Variants in SCHIP1 observed in about 807,000 individuals in gnomAD.
The protein encoded by SCHIP1 is schwannomin interacting protein 1.
Under a neutral mutation model 29.7 loss-of-function variants are expected in SCHIP1, and 8 were observed. That is an observed-to-expected ratio of 0.27 (90% confidence interval 0.16 to 0.49). The LOEUF (loss-of-function observed/expected upper bound fraction) is 0.49, where lower values mean the gene tolerates loss of function less well. SCHIP1 is among the 20% of genes least tolerant of loss of function. The pLI is 0.99. For missense variants in SCHIP1, 193 were observed against 294.6 expected, an observed-to-expected ratio of 0.66 and a Z score of 2.52; for synonymous variants, 76 against 94.9, an observed-to-expected ratio of 0.80 and a Z score of 1.16.
At chr3:159,551,309 A>T in the SCHIP1 span, among the ~76,000 whole-genome samples, 1 of 152,204 alleles carries the variant, frequency 6.6e-6, no homozygotes, top group Non-Finnish European at 1.5e-5. Flanking sequence ...AGAGTATGCC[A>T]AACTATATAA....
the SCHIP1 span, among the ~76,000 whole-genome samples, chr3:159,537,591 C>G: frequency 6.6e-6 from 1 of 152,064 alleles, no homozygotes; most frequent in Non-Finnish European, 1.5e-5. Context: ...CCCACCTTGC[C>G]TGAGAGATCG....
the SCHIP1 span, among the ~76,000 whole-genome samples, chr3:159,786,812 C>T: frequency 4.6e-5 from 7 of 151,898 alleles, no homozygotes; most frequent in Non-Finnish European, 5.9e-5. Flanking sequence ...AGCCACAGCA[C>T]GTAGAATCCT....
the SCHIP1 span, among the ~76,000 whole-genome samples, chr3:159,703,810 T>A: frequency 6.6e-6 from 1 of 152,202 alleles, no homozygotes; most frequent in African/African-American, 2.4e-5. Context: ...GGTCTACAGG[T>A]TGTCATTCTC....
chr3:159,645,426 A>T, the SCHIP1 span, among the ~76,000 whole-genome samples: 1 of 152,162 alleles, frequency 6.6e-6, no homozygotes, highest in Non-Finnish European at 1.5e-5. Context: ...CAAAAAAGAC[A>T]ACTCAAAAGG....
At chr3:159,499,569 G>T in the SCHIP1 span, among the ~76,000 whole-genome samples, 1 of 152,160 alleles carries the variant, frequency 6.6e-6, no homozygotes, top group South Asian at 2.1e-4. Context: ...CACAGTCTCA[G>T]GTATTCATAA....
the SCHIP1 span, among the ~76,000 whole-genome samples, chr3:159,662,472 G>A: frequency 1.8e-3 from 271 of 152,296 alleles, 1 homozygote; most frequent in African/African-American, 6.3e-3. Context: ...ACTTGAGGCA[G>A]CCCTATTGGG....
the SCHIP1 span, among the ~76,000 whole-genome samples, chr3:159,799,936 A>G: frequency 6.6e-6 from 1 of 152,158 alleles, no homozygotes; most frequent in East Asian, 1.9e-4. Flanking sequence ...TAGCTACACC[A>G]TTGCCTGGGG....
chr3:159,654,148 A>C, the SCHIP1 span, among the ~76,000 whole-genome samples: 1 of 152,054 alleles, frequency 6.6e-6, no homozygotes, highest in Admixed American at 6.5e-5. Context: ...ATGTCAGAGA[A>C]ACTCCCTAGT....
At chr3:159,699,052 A>T in the SCHIP1 span, among the ~76,000 whole-genome samples, 2 of 152,132 alleles carry the variant, frequency 1.3e-5, no homozygotes, top group Admixed American at 6.6e-5. Context: ...TTGCTTTATC[A>T]TTTTATGTTC....
chr3:159,347,467 A>G, the SCHIP1 span, among the ~76,000 whole-genome samples: 1 of 152,204 alleles, frequency 6.6e-6, no homozygotes, highest in South Asian at 2.1e-4. Flanking sequence ...CCTGTCTACC[A>G]CACTAGTTGT....
the SCHIP1 span, among the ~76,000 whole-genome samples, chr3:159,441,409 C>T: frequency 2.0e-4 from 30 of 152,074 alleles, no homozygotes; most frequent in African/African-American, 6.5e-4. Flanking sequence ...CTGTCATCCT[C>T]ATTTTATAGG....
the SCHIP1 span, among the ~76,000 whole-genome samples, chr3:159,710,212 CT>C: frequency 1.5e-4 from 23 of 151,338 alleles, 1 homozygote; most frequent in African/African-American, 2.4e-4. Context: ...AGATGAATTG[CT>C]TTTTTTTTAA....
intron 2 of SCHIP1, among the ~76,000 whole-genome samples, chr3:159,878,369 C>T (rs528999276): frequency 1.3e-5 from 2 of 152,220 alleles, no homozygotes; most frequent in South Asian, 2.1e-4. Context: ...GTAGTCCAAG[C>T]TACTCGGGAG....
chr3:159,604,718 T>G, the SCHIP1 span, among the ~76,000 whole-genome samples: 3 of 152,326 alleles, frequency 2.0e-5, no homozygotes, highest in East Asian at 5.8e-4. Flanking sequence ...GGTAAAAATT[T>G]CAGACTTTGT....
At chr3:159,666,785 T>C in the SCHIP1 span, among the ~76,000 whole-genome samples, 1 of 152,216 alleles carries the variant, frequency 6.6e-6, no homozygotes, top group Admixed American at 6.5e-5. Context: ...ATCATGAAGC[T>C]AATGTACTTT....
At chr3:159,713,310 G>A in the SCHIP1 span, among the ~76,000 whole-genome samples, 1 of 151,360 alleles carries the variant, frequency 6.6e-6, no homozygotes, top group East Asian at 1.9e-4. Context: ...GAAAGAAAAA[G>A]GAAATGCATC....
the SCHIP1 span, among the ~76,000 whole-genome samples, chr3:159,401,749 T>C: frequency 6.6e-6 from 1 of 152,310 alleles, no homozygotes; most frequent in East Asian, 1.9e-4. Context: ...CTGAATGGTA[T>C]TGCCTAGGTT....
chr3:159,581,420 G>T, the SCHIP1 span, among the ~76,000 whole-genome samples: 3 of 152,190 alleles, frequency 2.0e-5, no homozygotes, highest in South Asian at 6.2e-4. Flanking sequence ...GCCTATAAGA[G>T]AAAACTTTTA....
chr3:159,896,924 CTTAATTTATT>C, exon 7 of SCHIP1: 1 of 765,264 alleles, frequency 1.3e-6, no homozygotes, highest in Non-Finnish European at 1.9e-6. Context: ...GCCTTTGCTT[CTTAATTTATT>C]TTAATTTTTT....
Sources: allele counts gnomAD v4.1 joint callset (sites outside exome capture counted in the v4.1 genomes callset), GRCh38; gene constraint gnomAD v4.1.1; transcripts MANE v1.5; gene names NCBI Gene and HGNC (gene_info 2026-07-23, HGNC 2026-07-21).